The following CRTAP variants were observed in gnomAD, a reference collection of about 807,000 sequenced individuals.
CRTAP encodes cartilage associated protein, also known as cartilage-associated protein.
CRTAP carries 33 observed loss-of-function variants against 42.7 expected under a neutral mutation model. The ratio of observed to expected loss-of-function variants is 0.77; its 90% confidence interval spans 0.59 to 1.03. The LOEUF is 1.03. Among genes scored for constraint, CRTAP ranks in the 50% least tolerant of loss-of-function variants. The probability of loss-of-function intolerance (pLI) is 0.00; values close to 1 mark genes in which losing one functional copy is unlikely to be tolerated. For missense variants in CRTAP, 613 were observed against 533.9 expected (o/e 1.15, Z -1.46); for synonymous variants, 243 against 217.7 (o/e 1.12, Z -1.02).
chr3:33,120,014 G>A (rs1016635760), intron 1 of CRTAP, among the ~76,000 whole-genome samples: 13 of 152,176 alleles, frequency 8.5e-5, no homozygotes, highest in African/African-American at 2.9e-4. Context: ...GTCATCTACT[G>A]GGGCTCCTCA....
rs969890257 is a variant in CRTAP, at chr3:33,114,248, C to T, written c.171C>T (p.Gly57=). ...AYRHALDKYS[G]EHWAESVGYL... is the part of the protein sequence containing the mutation. ...GGCACGCGCTGGACAAGTACAGCGG[C>T]GAGCACTGGGCCGAGAGCGTGGGCT... Residue 57 remains glycine, a synonymous_variant, in exon 1 of 7, where the codon GGC becomes GGT. Transcript: ENST00000320954. 2.5e-6 allele frequency: 4 copies of T among 1,588,562 alleles called. 1 individual carries two copies. The highest frequency in any genetic ancestry group is 1.4e-5 in the African/African-American group (1 of 73,894).
rs149781980 is a variant in CRTAP at position 33,120,591 on chromosome 3, T to C, written c.621+98T>C. On this transcript the variant is annotated intron_variant, in intron 2 of 6. Coordinates refer to ENST00000320954, the MANE Select transcript of CRTAP (RefSeq NM_006371.5). ...GCTGATAGCTAAGGACCTCTAGTGA[T>C]TTTTGGTGACATTTGCTGAATATTA... 873 of 1,539,184 alleles carry C rather than the reference T, an allele frequency of 5.7e-4. 9 individuals carry two copies. In the African/African-American group the frequency reaches 0.011, roughly 20 times the overall value.
At chr3:33,119,139 T>C (rs558161118) in intron 1 of CRTAP, among the ~76,000 whole-genome samples, 35 of 152,216 alleles carry the variant, frequency 2.3e-4, no homozygotes, top group African/African-American at 8.4e-4. Flanking sequence ...ACAGTGAAAC[T>C]CAGAATCATT....
intron 4 of CRTAP, 129 bp downstream of exon 4, chr3:33,130,196 T>A: frequency 2.1e-6 from 2 of 947,976 alleles, no homozygotes; most frequent in Non-Finnish European, 1.7e-6. Context: ...GGTGCTATGC[T>A]TTGCACAAAA....
At chr3:33,124,696 A>G in intron 3 of CRTAP, 117 bp downstream of exon 3, 1 of 1,228,380 alleles carries the variant, frequency 8.1e-7, no homozygotes, top group Non-Finnish European at 1.2e-6. Context: ...TTTTGAGCAT[A>G]CTTATTAACG....
At position 33,132,699 on chromosome 3, in the gene CRTAP, C is replaced by G. The variant is rs1487896301; in HGVS notation, c.1067C>G (p.Pro356Arg). ...TCGGATGAGCACTTCCAGCCCAGAC[C>G]TGTAAGTCTGGTGCACCACACCTTC... ...GLSDEHFQPR[P>R]EAVQFFNVTT... Residue 356 changes from proline to arginine, a missense_variant and splice_region_variant, in exon 5 of 7, where the codon CCT becomes CGT. Physicochemically the swap from Pro to Arg is moderately radical, Grantham distance 103. Transcript: ENST00000320954. 4.3e-6 allele frequency: 7 copies of G among 1,613,704 alleles called. No individual in the cohort carries two copies. The highest frequency in any genetic ancestry group is 5.9e-6 in the Non-Finnish European group (7 of 1,179,848).
chr3:33,146,608 C>T lies in CRTAP; in HGVS notation c.*4160C>T, dbSNP rs1471636474. On this transcript the variant is annotated 3_prime_UTR_variant, in exon 7 of 7. Coordinates refer to ENST00000320954, the MANE Select transcript of CRTAP (RefSeq NM_006371.5). ...ATTACTACAACTAACCTGTTGTGCTCACCTCTGGAATTCAGAAAGAGAGCC... is the reference window on the plus strand; with the variant it reads ...ATTACTACAACTAACCTGTTGTGCTTACCTCTGGAATTCAGAAAGAGAGCC... 1 of 152,214 alleles carries T rather than the reference C, an allele frequency of 6.6e-6. No individual in the cohort carries two copies. Among genetic ancestry groups the T allele is most frequent in the Non-Finnish European group, 1.5e-5 (1 of 68,042 alleles). The allele number at this position is 152,214 out of a possible 1,614,324, so 9.4% of individuals were successfully genotyped here.
intron 3 of CRTAP, among the ~76,000 whole-genome samples, chr3:33,125,458 C>A (rs1466694849): frequency 1.8e-5 from 1 of 55,594 alleles, no homozygotes; most frequent in South Asian, 6.7e-4. Context: ...TTTTCAGTCA[C>A]TTTTTATTCA....
chr3:33,119,400 A>T (rs1701386874), intron 1 of CRTAP, among the ~76,000 whole-genome samples: 1 of 152,108 alleles, frequency 6.6e-6, no homozygotes, highest in Non-Finnish European at 1.5e-5. Flanking sequence ...AAAATGCGGG[A>T]AGACAGAACC....
In CRTAP at chr3:33,124,454, G is replaced by C; in HGVS notation, c.668G>C (p.Arg223Thr). The change falls in exon 3 of 7, where the codon AGA becomes ACA. Residue 223 changes from arginine (R) to threonine (T), a missense_variant. Coordinates refer to ENST00000320954, the MANE Select transcript of CRTAP (RefSeq NM_006371.5). Reference sequence around the variant, plus strand: ...CGGGCATACAACGGTGAGAACTGGAGAACATCCATCACAGACATGGAGCTG... The same window carrying C: ...CGGGCATACAACGGTGAGAACTGGACAACATCCATCACAGACATGGAGCTG... The part of the protein sequence containing the change: ...AVRAYNGENW[R>T]TSITDMELAL... 1 of 1,614,198 alleles carries C rather than the reference G, an allele frequency of 6.2e-7. No homozygotes were observed. Among genetic ancestry groups the C allele is most frequent in the African/African-American group, 1.3e-5 (1 of 75,042 alleles).
chr3:33,140,225 C>T (rs750466725), intron 6 of CRTAP, among the ~76,000 whole-genome samples: 1 of 152,192 alleles, frequency 6.6e-6, no homozygotes, highest in Non-Finnish European at 1.5e-5. Flanking sequence ...GTGGCTTGCT[C>T]ATAGTCACAC....
chr3:33,122,045 T>TCATCTGCTGCTTGCTCC (rs1368315229), intron 2 of CRTAP, among the ~76,000 whole-genome samples: 3 of 152,190 alleles, frequency 2.0e-5, no homozygotes, highest in African/African-American at 7.2e-5. Flanking sequence ...TGTTGAAATC[T>TCATCTGCTGCTTGCTCC]CATCTGCTGC....
intron 1 of CRTAP, among the ~76,000 whole-genome samples, chr3:33,116,608 C>G (rs1478753281): frequency 6.6e-6 from 1 of 152,166 alleles, no homozygotes; most frequent in African/African-American, 2.4e-5. Flanking sequence ...ATCCACCTAC[C>G]TTGGCCTCCC....
chr3:33,130,093 G>T (rs1414855557), intron 4 of CRTAP, 26 bp downstream of exon 4: 2 of 1,608,444 alleles, frequency 1.2e-6, no homozygotes, highest in Non-Finnish European at 1.7e-6. Context: ...TGACATCTTG[G>T]GTGAGGCACT....
At chr3:33,124,312 G>A (rs2029989387) in intron 2 of CRTAP, 96 bp from the exon 3 acceptor site, 6 of 1,433,642 alleles carry the variant, frequency 4.2e-6, no homozygotes, top group South Asian at 3.5e-5. Context: ...GCTAATGAGA[G>A]CTAGCTTGGT....
At position 33,124,587 on chromosome 3, in the gene CRTAP, G is replaced by A; in HGVS notation, c.793+8G>A. On this transcript the variant is annotated splice_region_variant and intron_variant, in intron 3 of 6. Transcript: ENST00000320954. ...TCTACCTTTCCATAGCAGGTTGGTG[G>A]TAGGTCAATAGGCTCACTACTCCCA... 6.2e-7 allele frequency: 1 copy of A among 1,614,170 alleles called. No homozygotes were observed. Among genetic ancestry groups the A allele is most frequent in the Non-Finnish European group, 8.5e-7 (1 of 1,180,008 alleles).
intron 3 of CRTAP, among the ~76,000 whole-genome samples, chr3:33,125,491 G>GTTT (rs60498778): frequency 0.066 from 1,979 of 30,102 alleles, 343 homozygotes; most frequent in Middle Eastern, 0.083. Context: ...TACAAAGTAG[G>GTTT]TTTTTTTTTT....
At chr3:33,118,715 C>T (rs1398850504) in intron 1 of CRTAP, among the ~76,000 whole-genome samples, 3 of 152,246 alleles carry the variant, frequency 2.0e-5, no homozygotes, top group Non-Finnish European at 4.4e-5. Flanking sequence ...CAGGTGCCTG[C>T]CCTTCTCCCT....
At chr3:33,123,244 C>T (rs72857460) in intron 2 of CRTAP, among the ~76,000 whole-genome samples, 8,991 of 152,178 alleles carry the variant, frequency 0.059, 818 homozygotes, top group African/African-American at 0.19. Flanking sequence ...GTGACAGACA[C>T]CTGCTGATAT....
Sources: gnomAD v4.1 joint callset for allele counts (sites outside exome capture counted in the v4.1 genomes callset) on GRCh38, gnomAD v4.1.1 for gene constraint, MANE v1.5 for transcripts, NCBI Gene and HGNC (gene_info 2026-07-23, HGNC 2026-07-21) for gene names.